DGKB: variants seen among roughly 807,000 people sequenced by gnomAD.
DGKB encodes the protein diacylglycerol kinase beta.
A neutral mutation model predicts 114.3 loss-of-function variants in DGKB; 67 were observed. The observed-to-expected ratio is 0.59, with a 90% confidence interval of 0.48 to 0.72. DGKB has a LOEUF of 0.72. Among genes scored for constraint, DGKB ranks in the 30% least tolerant of loss-of-function variants. The pLI is 0.00. For missense variants in DGKB, 907 were observed against 975.2 expected (o/e 0.93, Z 0.93); for synonymous variants, 398 against 323.1 (o/e 1.23, Z -2.49).
At chr7:14,501,904 TG>T (rs1786242518) in intron 20 of DGKB, among the ~76,000 whole-genome samples, 1 of 151,972 alleles carries the variant, frequency 6.6e-6, no homozygotes, top group Admixed American at 6.6e-5. Context: ...TAATGGGGTC[TG>T]GACTTCGAAC....
intron 1 of DGKB, among the ~76,000 whole-genome samples, chr7:14,951,902 A>C (rs965211029): frequency 2.6e-5 from 4 of 152,058 alleles, no homozygotes; most frequent in Admixed American, 2.0e-4. Context: ...TGTTAAAACA[A>C]ATTAAAGAGG....
chr7:14,374,981 T>C (rs1484230034), intron 21 of DGKB, among the ~76,000 whole-genome samples: 1 of 152,250 alleles, frequency 6.6e-6, no homozygotes, highest in East Asian at 1.9e-4. Flanking sequence ...GCTCATTCTC[T>C]ACCTAAAAAT....
intron 21 of DGKB, among the ~76,000 whole-genome samples, chr7:14,357,134 C>T (rs1049508019): frequency 2.0e-5 from 3 of 152,158 alleles, no homozygotes; most frequent in Non-Finnish European, 4.4e-5. Context: ...GAACTGAGTT[C>T]ATGTCCTGGA....
At chr7:14,743,016 T>G (rs141092468) in intron 4 of DGKB, among the ~76,000 whole-genome samples, 1 of 152,306 alleles carries the variant, frequency 6.6e-6, no homozygotes, top group East Asian at 1.9e-4. Flanking sequence ...TGTTTTTTTC[T>G]GTAAACTGAG....
intron 21 of DGKB, among the ~76,000 whole-genome samples, chr7:14,459,001 C>T (rs1307801470): frequency 6.6e-6 from 1 of 152,162 alleles, no homozygotes; most frequent in Non-Finnish European, 1.5e-5. Flanking sequence ...ACCTGGGATG[C>T]TCCAGCTTGG....
chr7:14,210,619 T>C (rs1377137935), intron 23 of DGKB, among the ~76,000 whole-genome samples: 2 of 152,056 alleles, frequency 1.3e-5, no homozygotes, highest in East Asian at 3.9e-4. Context: ...GTGAGAATGG[T>C]GGAGATCATC....
At chr7:14,162,415 G>A (rs545827193) in intron 25 of DGKB, among the ~76,000 whole-genome samples, 1 of 152,062 alleles carries the variant, frequency 6.6e-6, no homozygotes, top group African/African-American at 2.4e-5. Context: ...AGTACATACA[G>A]TTTTATCATT....
chr7:14,423,769 C>G (rs1047617172), intron 21 of DGKB, among the ~76,000 whole-genome samples: 1 of 152,044 alleles, frequency 6.6e-6, no homozygotes, highest in Non-Finnish European at 1.5e-5. Flanking sequence ...ACTGCTCTAA[C>G]CCTTGAATTT....
intron 23 of DGKB, among the ~76,000 whole-genome samples, chr7:14,188,611 G>A (rs933270863): frequency 1.0e-5 from 1 of 98,994 alleles, no homozygotes; most frequent in Non-Finnish European, 2.0e-5. Context: ...AGTGAGCCTA[G>A]ATCCCGCCAC....
At chr7:14,338,739 C>T (rs780002666) in intron 22 of DGKB, 29 bp from the exon 23 acceptor site, 6 of 1,314,048 alleles carry the variant, frequency 4.6e-6, no homozygotes, top group South Asian at 1.9e-5. Flanking sequence ...GAAACAGAAA[C>T]GGAATATTTT....
intron 13 of DGKB, among the ~76,000 whole-genome samples, chr7:14,658,579 CAT>C (rs1206974274): frequency 1.3e-5 from 2 of 151,830 alleles, no homozygotes; most frequent in Admixed American, 1.3e-4. Context: ...GACTTCCCAA[CAT>C]AAAGAAATAA....
At chr7:14,236,485 A>C (rs187533532) in intron 23 of DGKB, among the ~76,000 whole-genome samples, 1 of 152,088 alleles carries the variant, frequency 6.6e-6, no homozygotes, top group Admixed American at 6.6e-5. Flanking sequence ...TTGAAACAAC[A>C]TATACATTGA....
intron 20 of DGKB, among the ~76,000 whole-genome samples, chr7:14,535,243 T>A (rs768190416): frequency 1.3e-5 from 2 of 151,068 alleles, no homozygotes; most frequent in Non-Finnish European, 3.0e-5. Flanking sequence ...ATCGTGTGAG[T>A]CTGTAGTTCC....
chr7:14,907,408 C>T (rs144463687), upstream of DGKB, among the ~76,000 whole-genome samples: 121 of 152,272 alleles, frequency 7.9e-4, 1 homozygote, highest in East Asian at 0.015. Context: ...TTTTTTTCTA[C>T]ACCTTAGTTT....
chr7:14,283,955 C>G (rs891886978), intron 23 of DGKB, among the ~76,000 whole-genome samples: 3 of 152,042 alleles, frequency 2.0e-5, no homozygotes, highest in Non-Finnish European at 4.4e-5. Flanking sequence ...TAGGCATGGG[C>G]AAGGACTTCA....
intron 13 of DGKB, among the ~76,000 whole-genome samples, chr7:14,651,615 T>C (rs1337719795): frequency 6.9e-6 from 1 of 144,436 alleles, no homozygotes; most frequent in Admixed American, 7.1e-5. Flanking sequence ...CTCTCACCAC[T>C]CCTATTCAAC....
chr7:14,910,355 A>C (rs1783940187), intron 1 of DGKB, among the ~76,000 whole-genome samples: 1 of 152,078 alleles, frequency 6.6e-6, no homozygotes, highest in African/African-American at 2.4e-5. Flanking sequence ...AAAACAAAAC[A>C]AAACAAAACA....
intron 7 of DGKB, among the ~76,000 whole-genome samples, chr7:14,699,572 CTAT>C (rs1049567338): frequency 4.6e-5 from 7 of 152,106 alleles, no homozygotes; most frequent in African/African-American, 1.7e-4. Context: ...CAAATCTTAA[CTAT>C]TATTATTAGA....
chr7:14,798,745 T>G (rs2128042056), intron 2 of DGKB, among the ~76,000 whole-genome samples: 1 of 152,318 alleles, frequency 6.6e-6, no homozygotes, highest in Non-Finnish European at 1.5e-5. Context: ...CTCAGGTTCA[T>G]CTCACAGCAG....
Sources: allele counts gnomAD v4.1 joint callset (sites outside exome capture counted in the v4.1 genomes callset), GRCh38; gene constraint gnomAD v4.1.1; transcripts MANE v1.5; gene names NCBI Gene and HGNC (gene_info 2026-07-23, HGNC 2026-07-21).